ELMO2: variants seen among roughly 807,000 people sequenced by gnomAD.
ELMO2 encodes the protein engulfment and cell motility protein 2.
ELMO2 carries 37 observed loss-of-function variants against 96.2 expected under a neutral mutation model. That is an observed-to-expected ratio of 0.38 (90% CI 0.30 to 0.51). ELMO2 has a LOEUF of 0.51. Among genes scored for constraint, ELMO2 ranks in the 20% least tolerant of loss-of-function variants. ELMO2 has a pLI of 0.88. For missense variants in ELMO2, 561 were observed against 912.6 expected, an observed-to-expected ratio of 0.61 and a Z score of 4.96; for synonymous variants, 315 against 329.4, an observed-to-expected ratio of 0.96 and a Z score of 0.47.
In ELMO2 at chr20:46,375,794, G is replaced by A. The variant is rs1393254711; in HGVS notation, c.808-4C>T. Reference sequence around the variant, plus strand: ...GGCGGTTCCCTCGGATCACATGCTAGAAAAAGCACAGGCAGGGAGCAGGGG... The same window carrying A: ...GGCGGTTCCCTCGGATCACATGCTAAAAAAAGCACAGGCAGGGAGCAGGGG... On this transcript the variant is annotated splice_region_variant and splice_polypyrimidine_tract_variant and intron_variant, in intron 11 of 21. Coordinates refer to ENST00000290246, the MANE Select transcript of ELMO2 (RefSeq NM_133171.5). The surrounding 1 kb of genome is among the most constrained non-coding windows in gnomAD (Gnocchi z 4.6). 6.2e-7 allele frequency: 1 copy of A among 1,614,158 alleles called. No individual in the cohort carries two copies. The highest frequency in any genetic ancestry group is 1.3e-5 in the African/African-American group (1 of 75,052).
intron 11 of ELMO2, among the ~76,000 whole-genome samples, chr20:46,379,168 A>G (rs535005724): frequency 6.6e-6 from 1 of 151,752 alleles, no homozygotes; most frequent in African/African-American, 2.4e-5. Flanking sequence ...TAATTTTTGT[A>G]TTTTTAGTAA....
rs970602196 is a variant in ELMO2 at position 46,371,144 on chromosome 20, C to T, written c.1801+208G>A. On this transcript the variant is annotated intron_variant, in intron 19 of 21. Transcript: ENST00000290246. The surrounding 1 kb of genome is among the most constrained non-coding windows in gnomAD (Gnocchi z 5.9). Reference sequence around the variant, plus strand: ...GTCATGTACCACCCTTTACAGTCTACACAATACATTCACACCTGTGAACTC... The same window carrying T: ...GTCATGTACCACCCTTTACAGTCTATACAATACATTCACACCTGTGAACTC... Among the ~76,000 whole-genome samples the T allele has an allele frequency of 5.9e-5, 9 of 152,212 alleles. No homozygotes were observed. The highest frequency in any genetic ancestry group is 1.9e-4 in the African/African-American group (8 of 41,444).
chr20:46,380,268 C>A lies in ELMO2; in HGVS notation c.792G>T (p.Arg264=). 5.0e-6 allele frequency: 8 copies of A among 1,613,496 alleles called. No individual in the cohort carries two copies. The highest frequency in any genetic ancestry group is 1.7e-5 in the Admixed American group (1 of 60,006). The stretch of plus-strand genomic sequence containing the variant: ...AGGAACTCACATTCAGGATTATAGA[C>A]CGGAGATGCTTCTGTGCAAATGCAT... ...MANAFAQKHL[R]SIILNHVIRG... Residue 264 remains arginine, a synonymous_variant, in exon 11 of 22, where the codon CGG becomes CGT. Transcript: ENST00000290246.
chr20:46,388,353 T>C (rs1048960145), intron 7 of ELMO2, among the ~76,000 whole-genome samples: 1 of 152,186 alleles, frequency 6.6e-6, no homozygotes, highest in African/African-American at 2.4e-5. Context: ...ACAATTTCAA[T>C]AGTTGATCTA....
At chr20:46,397,211 A>C (rs2060259431) in intron 2 of ELMO2, among the ~76,000 whole-genome samples, 1 of 152,206 alleles carries the variant, frequency 6.6e-6, no homozygotes, top group South Asian at 2.1e-4. Flanking sequence ...AAACTATTTG[A>C]AAGATATTAA....
intron 20 of ELMO2, 71 bp from the exon 21 acceptor site, chr20:46,369,039 G>T: frequency 7.1e-7 from 1 of 1,406,336 alleles, no homozygotes; most frequent in Non-Finnish European, 1.0e-6. Context: ...CTTGGCCAAA[G>T]TCCTAGTGAC....
At chr20:46,379,804 A>G (rs2059924429) in intron 11 of ELMO2, 1 of 154,640 alleles carries the variant, frequency 6.5e-6, no homozygotes. Flanking sequence ...CCACAAACCC[A>G]GATCACACCC....
chr20:46,403,223 C>T (rs375330987), intron 1 of ELMO2, among the ~76,000 whole-genome samples: 2 of 152,230 alleles, frequency 1.3e-5, no homozygotes. Context: ...GAAGGCAGTC[C>T]GGGAGGAAAG....
intron 1 of ELMO2, among the ~76,000 whole-genome samples, chr20:46,402,576 G>A (rs1348182892): frequency 6.6e-6 from 1 of 152,242 alleles, no homozygotes; most frequent in African/African-American, 2.4e-5. Context: ...AGCTTGGGTA[G>A]GGAGGGAGTG....
At chr20:46,368,798 C>T in intron 21 of ELMO2, 93 bp downstream of exon 21, 2 of 1,380,890 alleles carry the variant, frequency 1.4e-6, no homozygotes, top group Non-Finnish European at 2.0e-6. Context: ...CAGCCACCCA[C>T]CACAGGGGAC....
chr20:46,400,374 C>T (rs192520576), intron 1 of ELMO2, among the ~76,000 whole-genome samples: 1 of 152,342 alleles, frequency 6.6e-6, no homozygotes, highest in Non-Finnish European at 1.5e-5. Context: ...CCTTCCAGCA[C>T]GTGTTTGCTT....
chr20:46,384,119 A>G (rs1171749502), intron 9 of ELMO2, among the ~76,000 whole-genome samples: 2 of 152,256 alleles, frequency 1.3e-5, no homozygotes, highest in African/African-American at 4.8e-5. Context: ...TTTGTTAAAA[A>G]TATGCATAAA....
chr20:46,402,079 G>T (rs1255971538), intron 1 of ELMO2, among the ~76,000 whole-genome samples: 1 of 152,182 alleles, frequency 6.6e-6, no homozygotes, highest in Admixed American at 6.5e-5. Flanking sequence ...ATAGGCTCTA[G>T]ATCAGATAAG....
chr20:46,373,082 C>T, intron 16 of ELMO2: 1 of 281,512 alleles, frequency 3.6e-6, no homozygotes, highest in South Asian at 5.3e-5. Context: ...GCAGTACCTG[C>T]ACAGTAAGCA....
At chr20:46,393,622 A>G (rs1293827338) in intron 4 of ELMO2, 21 bp from the exon 5 acceptor site, 3 of 1,612,096 alleles carry the variant, frequency 1.9e-6, no homozygotes, top group Non-Finnish European at 2.5e-6. Flanking sequence ...GAAAAACAGT[A>G]TATCCCACTT....
intron 1 of ELMO2, among the ~76,000 whole-genome samples, chr20:46,404,031 C>G (rs947519812): frequency 6.6e-6 from 1 of 152,130 alleles, no homozygotes; most frequent in Non-Finnish European, 1.5e-5. Flanking sequence ...TTGCAGTTAG[C>G]CGAGATGGCA....
intron 11 of ELMO2, chr20:46,377,002 C>T (rs1367506092): frequency 5.6e-6 from 2 of 357,564 alleles, no homozygotes; most frequent in African/African-American, 4.3e-5. Flanking sequence ...TAACAGAGTT[C>T]TACTGAATAG....
intron 11 of ELMO2, chr20:46,379,871 T>TCGG: frequency 6.1e-6 from 1 of 163,652 alleles, no homozygotes; most frequent in South Asian, 1.7e-4. Flanking sequence ...GCAAATACAC[T>TCGG]TGCTTACTTA....
rs755605335 is a variant in ELMO2, at chr20:46,386,183, A to C, written c.618T>G (p.Ser206Arg). 1 of 1,613,946 alleles carries C rather than the reference A, an allele frequency of 6.2e-7. No homozygotes were observed. Among genetic ancestry groups the C allele is most frequent in the South Asian group, 1.1e-5 (1 of 91,070 alleles). Residue 206 changes from serine to arginine, a missense_variant, in exon 9 of 22, where the codon AGT becomes AGG. Physicochemically the swap from Ser to Arg is moderately radical, Grantham distance 110. Transcript: ENST00000290246. ...TTTCCTCGGCTATCTTCTGGTACAG[A>C]CTCTGGCTGTTCAAGACCATGCTCT... ...ILESMVLNSQSLYQKIAEEIT... is the reference protein window; with the variant it reads ...ILESMVLNSQRLYQKIAEEIT...
Sources: gnomAD v4.1 joint callset for allele counts (sites outside exome capture counted in the v4.1 genomes callset) on GRCh38, gnomAD v4.1.1 for gene constraint, Gnocchi (gnomAD v3.1) non-coding constraint, MANE v1.5 for transcripts, NCBI Gene and HGNC (gene_info 2026-07-23, HGNC 2026-07-21) for gene names.